KATNIP: variants seen among roughly 807,000 people sequenced by gnomAD.
KATNIP encodes katanin-interacting protein.
Under a neutral mutation model 174.0 loss-of-function variants are expected in KATNIP, and 126 were observed. That is an observed-to-expected ratio of 0.72 (90% CI 0.63 to 0.84). KATNIP has a LOEUF of 0.84. Among genes scored for constraint, KATNIP ranks in the 40% least tolerant of loss-of-function variants. The pLI, the probability that KATNIP is intolerant of heterozygous loss-of-function variation, is 0.00. For missense variants in KATNIP, 1,958 were observed against 2,109.7 expected, an observed-to-expected ratio of 0.93 and a Z score of 1.41; for synonymous variants, 810 against 835.7, an observed-to-expected ratio of 0.97 and a Z score of 0.53.
At position 27,740,368 on chromosome 16, in the gene KATNIP, A is replaced by C; in HGVS notation, c.2071A>C (p.Ser691Arg). The C allele has an allele frequency of 6.2e-7, 1 of 1,614,170 alleles. No homozygotes were observed. Among genetic ancestry groups the C allele is most frequent in the Non-Finnish European group, 8.5e-7 (1 of 1,179,994 alleles). ...GAATTCTACTAATTGCAGGAAAGAC[A>C]GTTTGTCCCAGTTAGAGGAATATTT... ...RKNSTNCRKD[S>R]LSQLEEYLRL... Residue 691 changes from serine to arginine, a missense_variant, in exon 15 of 28, where the codon AGT becomes CGT. Transcript: ENST00000261588.
chr16:27,678,581 C>T (rs531679033), intron 7 of KATNIP, among the ~76,000 whole-genome samples: 1 of 152,326 alleles, frequency 6.6e-6, no homozygotes, highest in African/African-American at 2.4e-5. Flanking sequence ...GACTTTGCAA[C>T]CCCTCAGAAA....
At chr16:27,728,301 T>C (rs1162181680) in intron 14 of KATNIP, among the ~76,000 whole-genome samples, 1 of 152,218 alleles carries the variant, frequency 6.6e-6, no homozygotes, top group Non-Finnish European at 1.5e-5. Context: ...GCAGTGAGTA[T>C]AGTCTGTGGG....
Position 27,698,309 on chromosome 16 carries a change from C to T in KATNIP, c.941-19C>T. ...GAGAATATAATCTAAAAGAACGTCC[C>T]CCTGTCTTCTGCCCTCAGGACCTGG... is the stretch of plus-strand genomic sequence containing the variant. On this transcript the variant is annotated intron_variant, in intron 8 of 27. Coordinates refer to ENST00000261588, the MANE Select transcript of KATNIP (RefSeq NM_015202.5). 11 of 1,596,296 alleles carry T rather than the reference C, an allele frequency of 6.9e-6. No individual in the cohort carries two copies. Among genetic ancestry groups the T allele is most frequent in the Non-Finnish European group, 9.4e-6 (11 of 1,168,812 alleles).
At chr16:27,662,967 G>A (rs538022480) in intron 6 of KATNIP, among the ~76,000 whole-genome samples, 5 of 151,780 alleles carry the variant, frequency 3.3e-5, no homozygotes, top group African/African-American at 1.2e-4. Context: ...GCAAGTATAC[G>A]TTATTTATTT....
At chr16:27,672,364 C>T (rs1423726682) in intron 6 of KATNIP, among the ~76,000 whole-genome samples, 5 of 152,198 alleles carry the variant, frequency 3.3e-5, no homozygotes, top group Non-Finnish European at 5.9e-5. Flanking sequence ...CTCAGCCAGT[C>T]GCCCTGTCAC....
In KATNIP at chr16:27,648,606, A is replaced by T. The variant is rs1166006644; in HGVS notation, c.411A>T (p.Lys137Asn). 1 of 1,614,066 alleles carries T rather than the reference A, an allele frequency of 6.2e-7. No individual in the cohort carries two copies. The highest frequency in any genetic ancestry group is 8.5e-7 in the Non-Finnish European group (1 of 1,179,986). The change falls in exon 6 of 28, where the codon AAA becomes AAT. Residue 137 changes from lysine (K) to asparagine (N), a missense_variant and splice_region_variant. Physicochemically the swap from Lys to Asn is moderately conservative, Grantham distance 94 (BLOSUM62 0). This residue lies in a region of KATNIP where 1,557 missense variants were observed against 1,617.8 expected (regional missense o/e 0.96). Transcript: ENST00000261588. Reference sequence around the variant, plus strand: ...AAATGGCCTGCATTTTTGTACAGAAATCTGTGCAGATCAGAACAGAAGCTG... The same window carrying T: ...AAATGGCCTGCATTTTTGTACAGAATTCTGTGCAGATCAGAACAGAAGCTG... ...SKVQRRGWHQKSVQIRTEAGP... is the reference protein window; with the variant it reads ...SKVQRRGWHQNSVQIRTEAGP...
intron 2 of KATNIP, among the ~76,000 whole-genome samples, chr16:27,608,374 G>A (rs1434262641): frequency 1.5e-5 from 2 of 133,338 alleles, no homozygotes; most frequent in African/African-American, 5.7e-5. Context: ...GGGACTACGG[G>A]TGCACGCCAC....
chr16:27,657,001 G>A (rs905731390), intron 6 of KATNIP, among the ~76,000 whole-genome samples: 31 of 151,960 alleles, frequency 2.0e-4, no homozygotes, highest in African/African-American at 7.5e-4. Context: ...GGGTGTGAGG[G>A]AGAGGAATTG....
rs141451373 is a variant in KATNIP at position 27,769,897 on chromosome 16, G to T, written c.4012G>T (p.Val1338Phe). ...IVHVSLDGLCVSPPEGFLIRK... is the reference protein window; with the variant it reads ...IVHVSLDGLCFSPPEGFLIRK... Reference sequence around the variant, plus strand: ...CCACGTCTCCCTGGATGGCCTGTGCGTCTCCCCGCCAGAGGGCTTTCTCAT... The same window carrying T: ...CCACGTCTCCCTGGATGGCCTGTGCTTCTCCCCGCCAGAGGGCTTTCTCAT... The change falls in exon 21 of 28, where the codon GTC becomes TTC. Residue 1338 changes from valine (V) to phenylalanine (F), a missense_variant. Physicochemically the swap from Val to Phe is conservative, Grantham distance 50. Coordinates refer to ENST00000261588, the MANE Select transcript of KATNIP (RefSeq NM_015202.5). 1.9e-6 allele frequency: 3 copies of T among 1,614,070 alleles called. No homozygotes were observed. The highest frequency in any genetic ancestry group is 2.5e-6 in the Non-Finnish European group (3 of 1,180,040).
chr16:27,662,095 C>CATATATAT (rs71137801), intron 6 of KATNIP, among the ~76,000 whole-genome samples: 3 of 38,300 alleles, frequency 7.8e-5, no homozygotes, highest in African/African-American at 3.2e-4. Context: ...TATACACATA[C>CATATATAT]ATATATATAT....
At chr16:27,713,557 A>G (rs2079682570) in intron 13 of KATNIP, among the ~76,000 whole-genome samples, 1 of 151,482 alleles carries the variant, frequency 6.6e-6, no homozygotes, top group African/African-American at 2.4e-5. Context: ...CCTGGGCAAC[A>G]TAGTGAGACC....
Position 27,681,402 on chromosome 16 carries a change from A to T in KATNIP, c.812A>T (p.His271Leu). The change falls in exon 8 of 28, where the codon CAT (histidine) becomes CTT (leucine). Residue 271 changes from histidine (H) to leucine (L), a missense_variant. His to Leu is a moderately conservative substitution (Grantham distance 99, BLOSUM62 -3). Coordinates refer to ENST00000261588, the MANE Select transcript of KATNIP (RefSeq NM_015202.5). ...TGAAACAATTGTTTTCCTACAGGTC[A>T]TAAAAGGGAAAGGAATTTGTCTGCA... ...VLEFNPASKS[H>L]KRERNLSAKR... The T allele has an allele frequency of 6.2e-7, 1 of 1,614,216 alleles. No individual in the cohort carries two copies. Among genetic ancestry groups the T allele is most frequent in the Non-Finnish European group, 8.5e-7 (1 of 1,180,032 alleles).
At position 27,749,412 on chromosome 16, in the gene KATNIP, A is replaced by G. The variant is rs546283213; in HGVS notation, c.2624-172A>G. ...GCCTGGCCCCAGCCATCCAGTGCCA[A>G]GAGGCCTCTTGGCTAAGGAGACAGC... On this transcript the variant is annotated intron_variant, in intron 15 of 27. Coordinates refer to ENST00000261588, the MANE Select transcript of KATNIP (RefSeq NM_015202.5). Among the ~76,000 whole-genome samples the G allele has an allele frequency of 1.6e-4, 25 of 152,236 alleles. 1 individual carries two copies. In the East Asian group the frequency reaches 4.3e-3, roughly 26 times the overall value.
At chr16:27,704,122 G>GT (rs1567322467) in intron 12 of KATNIP, 124 bp downstream of exon 12, 2 of 671,130 alleles carry the variant, frequency 3.0e-6, no homozygotes, top group South Asian at 1.8e-5. Flanking sequence ...TGTTTCCACC[G>GT]CCCCCCCCCT....
intron 8 of KATNIP, among the ~76,000 whole-genome samples, chr16:27,684,433 A>G (rs1475421134): frequency 1.3e-5 from 2 of 152,256 alleles, no homozygotes; most frequent in African/African-American, 2.4e-5. Flanking sequence ...AGTCCTAAGC[A>G]GTAACATGCC....
At chr16:27,731,497 G>A (rs997707443) in intron 14 of KATNIP, among the ~76,000 whole-genome samples, 8 of 152,254 alleles carry the variant, frequency 5.3e-5, no homozygotes, top group Admixed American at 5.2e-4. Context: ...GACAGGTACT[G>A]CAGTTACCAG....
intron 6 of KATNIP, among the ~76,000 whole-genome samples, chr16:27,658,046 T>G (rs2077355539): frequency 6.6e-6 from 1 of 152,208 alleles, no homozygotes; most frequent in South Asian, 2.1e-4. Flanking sequence ...CTCTTTATTT[T>G]TCCTTACAAA....
At chr16:27,663,557 G>C (rs953941021) in intron 6 of KATNIP, among the ~76,000 whole-genome samples, 22 of 150,930 alleles carry the variant, frequency 1.5e-4, no homozygotes, top group East Asian at 1.4e-3. Context: ...CAAGTGATTC[G>C]CCTGTCTCAC....
intron 13 of KATNIP, among the ~76,000 whole-genome samples, chr16:27,713,798 G>A (rs2079756729): frequency 6.1e-5 from 5 of 81,864 alleles, no homozygotes; most frequent in African/African-American, 2.6e-4. Context: ...ATGTGTGTGT[G>A]TGTGTATATA....
Sources: gnomAD v4.1 joint callset for allele counts (sites outside exome capture counted in the v4.1 genomes callset) on GRCh38, gnomAD v4.1.1 for gene constraint, gnomAD v4.1.1 regional missense constraint, MANE v1.5 for transcripts, NCBI Gene and HGNC (gene_info 2026-07-23, HGNC 2026-07-21) for gene names.